The following RBFOX1 variants were observed in gnomAD, a reference collection of about 807,000 sequenced individuals.
RBFOX1 encodes the protein RNA binding fox-1 homolog 1.
Under a neutral mutation model 57.7 loss-of-function variants are expected in RBFOX1, and 8 were observed. The ratio of observed to expected loss-of-function variants is 0.14; its 90% CI spans 0.08 to 0.25. RBFOX1 has a LOEUF of 0.25. RBFOX1 is among the 10% of genes least tolerant of loss of function. RBFOX1 has a pLI of 1.00. For missense variants in RBFOX1, 611 were observed against 548.5 expected (o/e 1.11, Z -1.14); for synonymous variants, 326 against 222.4 (o/e 1.47, Z -4.15).
intron 1 of RBFOX1, among the ~76,000 whole-genome samples, chr16:6,116,364 C>T (rs1485224062): frequency 6.6e-6 from 1 of 152,074 alleles, no homozygotes; most frequent in Non-Finnish European, 1.5e-5. Context: ...ATGTGTATAC[C>T]TTTCTGACAA....
intron 3 of RBFOX1, among the ~76,000 whole-genome samples, chr16:6,949,750 T>A (rs1598151506): frequency 6.6e-6 from 1 of 152,240 alleles, no homozygotes; most frequent in Middle Eastern, 3.4e-3. Context: ...AACTAGGAAT[T>A]TTGAAGGGAC....
At chr16:5,950,575 A>G (rs1030336013) in intron 4 of RBFOX1, among the ~76,000 whole-genome samples, 1 of 152,144 alleles carries the variant, frequency 6.6e-6, no homozygotes, top group Non-Finnish European at 1.5e-5. Flanking sequence ...ATGTGTTACA[A>G]TCATTGCTAT....
At chr16:5,747,334 T>A (rs558381626) in intron 3 of RBFOX1, among the ~76,000 whole-genome samples, 1 of 152,302 alleles carries the variant, frequency 6.6e-6, no homozygotes, top group African/African-American at 2.4e-5. Flanking sequence ...GGGATATTGG[T>A]CTGAAATTCT....
At chr16:5,393,665 A>C (rs2151424169) in intron 1 of RBFOX1, among the ~76,000 whole-genome samples, 1 of 152,144 alleles carries the variant, frequency 6.6e-6, no homozygotes. Context: ...CAAAAAAAGG[A>C]GGTGTTCTGT....
intron 1 of RBFOX1, among the ~76,000 whole-genome samples, chr16:5,425,113 CTATCTATCTTGA>C (rs1337239714): frequency 4.2e-4 from 58 of 136,824 alleles, no homozygotes; most frequent in Non-Finnish European, 7.3e-4. Context: ...ATCTATCTAT[CTATCTATCTTGA>C]GACAGAGTCT....
intron 4 of RBFOX1, among the ~76,000 whole-genome samples, chr16:7,327,744 T>C (rs1353962962): frequency 6.6e-6 from 1 of 152,152 alleles, no homozygotes; most frequent in African/African-American, 2.4e-5. Context: ...CATGCCTAGA[T>C]CTTCCAGTGT....
At chr16:5,393,358 T>A (rs1198765956) in intron 1 of RBFOX1, among the ~76,000 whole-genome samples, 4 of 152,206 alleles carry the variant, frequency 2.6e-5, no homozygotes, top group Non-Finnish European at 5.9e-5. Flanking sequence ...TCTGTCCGTG[T>A]CCAGGCAGCC....
intron 8 of RBFOX1, 198 bp from the exon 9 acceptor site, chr16:7,597,173 A>C (rs1190373864): frequency 4.4e-6 from 2 of 459,446 alleles, no homozygotes; most frequent in Non-Finnish European, 7.7e-6. Flanking sequence ...AATGATTTGT[A>C]AGTTAAACGG....
intron 4 of RBFOX1, among the ~76,000 whole-genome samples, chr16:7,283,075 C>G (rs567272948): frequency 2.0e-5 from 3 of 152,196 alleles, no homozygotes; most frequent in East Asian, 1.9e-4. Flanking sequence ...GTGCAGGTAT[C>G]TTTTTTGTAT....
chr16:6,661,707 G>T (rs1446263300), intron 3 of RBFOX1, among the ~76,000 whole-genome samples: 1 of 152,224 alleles, frequency 6.6e-6, no homozygotes, highest in Non-Finnish European at 1.5e-5. Flanking sequence ...GACGAAGTCA[G>T]CCAGGACCCT....
At chr16:5,390,808 T>G (rs2066387960) in intron 1 of RBFOX1, among the ~76,000 whole-genome samples, 1 of 152,126 alleles carries the variant, frequency 6.6e-6, no homozygotes, top group East Asian at 1.9e-4. Context: ...GTCTCCTCAC[T>G]GGGCTTGAAG....
intron 3 of RBFOX1, among the ~76,000 whole-genome samples, chr16:6,686,760 C>A (rs1282721747): frequency 5.9e-5 from 9 of 152,152 alleles, no homozygotes; most frequent in Admixed American, 5.9e-4. Context: ...TTTCTCCCAA[C>A]CTCCCCCATT....
chr16:6,929,223 A>G (rs2076120264), intron 3 of RBFOX1, among the ~76,000 whole-genome samples: 1 of 152,102 alleles, frequency 6.6e-6, no homozygotes, highest in South Asian at 2.1e-4. Flanking sequence ...AACTGCTTGG[A>G]TCCTACCCTT....
At chr16:6,880,616 G>A (rs547147392) in intron 3 of RBFOX1, among the ~76,000 whole-genome samples, 10 of 152,302 alleles carry the variant, frequency 6.6e-5, no homozygotes, top group African/African-American at 2.4e-4. Context: ...TGAACTGGAA[G>A]AGGCAGGGTG....
At chr16:6,641,801 A>G (rs1199432573) in intron 2 of RBFOX1, among the ~76,000 whole-genome samples, 1 of 144,732 alleles carries the variant, frequency 6.9e-6, no homozygotes, top group African/African-American at 2.6e-5. Flanking sequence ...TGAGCCTTTC[A>G]GGCCTGGCCT....
intron 14 of RBFOX1, among the ~76,000 whole-genome samples, chr16:7,677,293 A>G (rs1252180058): frequency 1.3e-5 from 2 of 152,238 alleles, no homozygotes; most frequent in East Asian, 1.9e-4. Flanking sequence ...CTTATACCCA[A>G]TAAATCATTC....
chr16:7,289,213 G>C (rs2095711025), intron 4 of RBFOX1, among the ~76,000 whole-genome samples: 1 of 152,152 alleles, frequency 6.6e-6, no homozygotes, highest in Non-Finnish European at 1.5e-5. Context: ...TCAAACACTA[G>C]AGTTGAGAGA....
chr16:6,537,335 T>G (rs927811740), intron 2 of RBFOX1, among the ~76,000 whole-genome samples: 1 of 152,158 alleles, frequency 6.6e-6, no homozygotes, highest in Non-Finnish European at 1.5e-5. Flanking sequence ...TGCAATAGAA[T>G]TGCATCCAGA....
chr16:6,826,313 G>T (rs572751535), intron 3 of RBFOX1, among the ~76,000 whole-genome samples: 1 of 152,274 alleles, frequency 6.6e-6, no homozygotes, highest in African/African-American at 2.4e-5. Context: ...AGGAGTTCAA[G>T]ACCAGCCTAG....
Sources: gnomAD v4.1 joint callset for allele counts (sites outside exome capture counted in the v4.1 genomes callset) on GRCh38, gnomAD v4.1.1 for gene constraint, MANE v1.5 for transcripts, NCBI Gene and HGNC (gene_info 2026-07-23, HGNC 2026-07-21) for gene names.